Variants in PNKD observed in about 807,000 individuals in gnomAD.
PNKD encodes PNKD metallo-beta-lactamase domain containing.
Under a neutral mutation model 45.3 loss-of-function variants are expected in PNKD, and 36 were observed. The observed-to-expected ratio is 0.80, with a 90% CI of 0.61 to 1.05. PNKD has a LOEUF of 1.05. PNKD is among the 50% of genes least tolerant of loss of function. The pLI is 0.00. For missense variants in PNKD, 511 were observed against 506.6 expected, an observed-to-expected ratio of 1.01 and a Z score of -0.08; for synonymous variants, 197 against 210.1, an observed-to-expected ratio of 0.94 and a Z score of 0.54.
intron 2 of PNKD, chr2:218,278,651 A>G: frequency 1.4e-6 from 2 of 1,474,946 alleles, no homozygotes; most frequent in Non-Finnish European, 1.9e-6. Context: ...TGGGGCCCAA[A>G]TAGCCGTTTG....
At chr2:218,308,940 C>G (rs535143390) in intron 2 of PNKD, among the ~76,000 whole-genome samples, 1 of 152,076 alleles carries the variant, frequency 6.6e-6, no homozygotes, top group South Asian at 2.1e-4. Context: ...CTCTTTCTCT[C>G]TTTCTCCTTC....
chr2:218,292,737 T>C (rs1693022075), intron 2 of PNKD, among the ~76,000 whole-genome samples: 1 of 152,190 alleles, frequency 6.6e-6, no homozygotes, highest in Non-Finnish European at 1.5e-5. Flanking sequence ...GACACAGAAA[T>C]GCAGGGAAGA....
chr2:218,277,710 G>C (rs1351936480), intron 2 of PNKD: 3 of 1,613,418 alleles, frequency 1.9e-6, no homozygotes, highest in Non-Finnish European at 2.5e-6. Context: ...CACTTAAAAA[G>C]GAAGGAAGGC....
At chr2:218,276,983 C>A (rs757886293) in intron 2 of PNKD, 1 of 1,608,390 alleles carries the variant, frequency 6.2e-7, no homozygotes, top group East Asian at 2.2e-5. Flanking sequence ...TCCCTGACCC[C>A]AGCTCTCCTG....
chr2:218,308,598 T>C (rs1036844970), intron 2 of PNKD, among the ~76,000 whole-genome samples: 1 of 152,034 alleles, frequency 6.6e-6, no homozygotes, highest in Non-Finnish European at 1.5e-5. Context: ...TTCTTTCTTT[T>C]TTTTTTTTAG....
chr2:218,322,398 G>A (rs1421725412), intron 2 of PNKD, among the ~76,000 whole-genome samples: 1 of 152,198 alleles, frequency 6.6e-6, no homozygotes, highest in Non-Finnish European at 1.5e-5. Context: ...GAATCCATCA[G>A]GAGGGCAGCA....
intron 2 of PNKD, among the ~76,000 whole-genome samples, chr2:218,321,932 CTCTT>C (rs756270188): frequency 1.7e-5 from 1 of 58,236 alleles, no homozygotes; most frequent in African/African-American, 5.4e-5. Flanking sequence ...CCGAGCTTGA[CTCTT>C]TTTTTTTTTT....
chr2:218,271,981 CATT>C (rs992078020), intron 2 of PNKD, among the ~76,000 whole-genome samples: 17 of 152,188 alleles, frequency 1.1e-4, no homozygotes, highest in African/African-American at 2.9e-4. Flanking sequence ...AAGAAATCAA[CATT>C]TTTTTCTGCA....
chr2:218,310,406 T>A lies in PNKD; in HGVS notation c.237-29377T>A, dbSNP rs192903910. 6.0e-5 allele frequency among the ~76,000 whole-genome samples: 9 copies of A among 151,156 alleles called. No individual in the cohort carries two copies. The South Asian group carries it at 1.9e-3, about 32-fold the overall frequency. Reference sequence around the variant, plus strand: ...CCTGGCTAATTTTTTTTATTTTTAGTAGAGATGGGGTTTCACCATATTGGC... The same window carrying A: ...CCTGGCTAATTTTTTTTATTTTTAGAAGAGATGGGGTTTCACCATATTGGC... On this transcript the variant is annotated intron_variant, in intron 2 of 9. Coordinates refer to ENST00000273077, the MANE Select transcript of PNKD (RefSeq NM_015488.5).
At chr2:218,271,357 G>A in intron 1 of PNKD, 24 bp from the exon 2 acceptor site, 1 of 1,611,496 alleles carries the variant, frequency 6.2e-7, no homozygotes. Flanking sequence ...TCTTCTTACT[G>A]ACCTTCCTTA....
At chr2:218,271,626 G>A in intron 2 of PNKD, 77 bp downstream of exon 2, 1 of 1,330,654 alleles carries the variant, frequency 7.5e-7, no homozygotes, top group Non-Finnish European at 1.1e-6. Flanking sequence ...ACTTCTCCAA[G>A]TTTCAGGTGG....
intron 2 of PNKD, chr2:218,277,710 G>A: frequency 6.2e-7 from 1 of 1,613,536 alleles, no homozygotes. Context: ...CACTTAAAAA[G>A]GAAGGAAGGC....
chr2:218,307,007 T>C (rs1392708711), intron 2 of PNKD, among the ~76,000 whole-genome samples: 4 of 152,220 alleles, frequency 2.6e-5, no homozygotes, highest in Non-Finnish European at 5.9e-5. Context: ...TAGCCTGCCT[T>C]AAACATGCAC....
At chr2:218,275,596 A>G in intron 2 of PNKD, 1 of 1,613,456 alleles carries the variant, frequency 6.2e-7, no homozygotes, top group Non-Finnish European at 8.5e-7. Context: ...GTTCCCCAGG[A>G]CCAGCTGTGT....
intron 2 of PNKD, among the ~76,000 whole-genome samples, chr2:218,301,235 A>G (rs1055185826): frequency 6.6e-6 from 1 of 152,194 alleles, no homozygotes; most frequent in African/African-American, 2.4e-5. Flanking sequence ...GCAAGTGGCT[A>G]GTGGCTACCA....
intron 2 of PNKD, among the ~76,000 whole-genome samples, chr2:218,321,715 A>C (rs1574699482): frequency 8.0e-6 from 1 of 124,246 alleles, no homozygotes; most frequent in South Asian, 2.6e-4. Flanking sequence ...TGCAACCTCC[A>C]CCTCCCGGGT....
chr2:218,344,342 C>T, intron 8 of PNKD, 113 bp from the exon 9 acceptor site: 2 of 774,820 alleles, frequency 2.6e-6, no homozygotes, highest in Middle Eastern at 2.2e-4. Flanking sequence ...AAGTGCTGAC[C>T]TCATCCCTAG....
Position 218,316,267 on chromosome 2 carries a change from TC to T in PNKD, c.237-23515del, listed in dbSNP as rs771451142. ...TCAAGGGAAGATTTTTTTCTTTCTT[TC>T]TTTTTTTTTTTTTTTTTTTGAGACA... is the stretch of plus-strand genomic sequence containing the variant. On this transcript the variant is annotated intron_variant, in intron 2 of 9. Transcript: ENST00000273077. Among the ~76,000 whole-genome samples, 13 of 32,850 alleles carry T rather than the reference TC, an allele frequency of 4.0e-4. No individual in the cohort carries two copies. The East Asian group carries it at 0.012, about 31-fold the overall frequency. 21.6% of individuals were successfully genotyped at this position (32,850 alleles called of 152,430 possible).
chr2:218,337,611 A>G (rs1298002757), intron 2 of PNKD, among the ~76,000 whole-genome samples: 1 of 152,130 alleles, frequency 6.6e-6, no homozygotes, highest in Admixed American at 6.5e-5. Flanking sequence ...TCTAGTTTGA[A>G]CTGAAAGCTT....
Sources: gnomAD v4.1 joint callset for allele counts (sites outside exome capture counted in the v4.1 genomes callset) on GRCh38, gnomAD v4.1.1 for gene constraint, MANE v1.5 for transcripts, NCBI Gene and HGNC (gene_info 2026-07-23, HGNC 2026-07-21) for gene names.